GPS1: variants seen among roughly 807,000 people sequenced by gnomAD.
GPS1 encodes G protein pathway suppressor 1.
A neutral mutation model predicts 60.0 loss-of-function variants in GPS1; 11 were observed. The ratio of observed to expected loss-of-function variants is 0.18; its 90% confidence interval spans 0.12 to 0.30. The LOEUF (loss-of-function observed/expected upper bound fraction) is 0.30. GPS1 is among the 10% of genes least tolerant of loss of function. The pLI is 1.00. For synonymous variants in GPS1, 343 were observed against 269.8 expected (o/e 1.27, Z -2.66); for missense variants, 543 against 669.2 (o/e 0.81, Z 2.08).
upstream of GPS1, chr17:82,051,525 G>A (rs2030582632): frequency 2.9e-6 from 4 of 1,399,166 alleles, no homozygotes; most frequent in South Asian, 1.5e-5. This position sits in a 1 kb window ranked among gnomAD's most constrained non-coding sequence, Gnocchi z 4.1. Flanking sequence ...GGAGATCCAG[G>A]TGCGCAGCAG....
intron 6 of GPS1, 105 bp downstream of exon 6, chr17:82,055,327 C>T: frequency 8.5e-7 from 1 of 1,172,674 alleles, no homozygotes; most frequent in Non-Finnish European, 1.2e-6. Flanking sequence ...GAAAACTTCC[C>T]TGGCAGGGCG....
chr17:82,056,236 G>A (rs1188485488), intron 8 of GPS1, 50 bp from the exon 9 acceptor site: 2 of 1,423,138 alleles, frequency 1.4e-6, no homozygotes, highest in Non-Finnish European at 9.9e-7. Flanking sequence ...CTGGCCACTT[G>A]GAGGGAGGGG....
chr17:82,053,708 T>C (rs2031724677), intron 2 of GPS1, 160 bp from the exon 3 acceptor site: 3 of 716,548 alleles, frequency 4.2e-6, no homozygotes, highest in Non-Finnish European at 6.7e-6. Flanking sequence ...TCGTAGCTCC[T>C]GGGACAGCAG....
chr17:82,053,370 C>A lies in GPS1; in HGVS notation c.126+4C>A. 6.8e-7 allele frequency: 1 copy of A among 1,479,498 alleles called. No homozygotes were observed. 91.6% of individuals were successfully genotyped at this position (1,479,498 alleles called of 1,614,324 possible). A position where few individuals can be genotyped will look rare whatever the true frequency, so the allele number is the denominator to read the frequency against. On this transcript the variant is annotated splice_donor_region_variant and intron_variant, in intron 2 of 12. Transcript: ENST00000578552. ...CGTGGTGGAGAACCCCAGCCTGGTACGGAGCCCAGTGGGGGGACCTTGGGT... is the reference window on the plus strand; with the variant it reads ...CGTGGTGGAGAACCCCAGCCTGGTAAGGAGCCCAGTGGGGGGACCTTGGGT...
upstream of GPS1, chr17:82,051,827 GC>G: frequency 8.8e-7 from 1 of 1,135,604 alleles, no homozygotes; most frequent in Non-Finnish European, 1.1e-6. This position sits in a 1 kb window ranked among gnomAD's most constrained non-coding sequence, Gnocchi z 4.1. Flanking sequence ...TGGGTGGGCG[GC>G]GGCCCCTTTA....
intron 3 of GPS1, 75 bp from the exon 4 acceptor site, chr17:82,054,435 T>G: frequency 9.8e-6 from 14 of 1,433,956 alleles, no homozygotes; most frequent in Non-Finnish European, 1.3e-5. Context: ...GAGGGCAGCC[T>G]GAGATTGGCG....
At position 82,056,380 on chromosome 17, in the gene GPS1, G is replaced by A. The variant is rs369566866; in HGVS notation, c.1024G>A (p.Asp342Asn). ...SKYASCLKMLDEMKDNLLLDM... is the reference protein window; with the variant it reads ...SKYASCLKMLNEMKDNLLLDM... ...GTACGCCTCATGTCTCAAGATGCTG[G>A]ACGAGATGAAGGTGGGCCCCGCCTG... The change falls in exon 9 of 13, where the codon GAC (aspartate) becomes AAC (asparagine). Residue 342 changes from aspartate to asparagine, a missense_variant. Transcript: ENST00000578552. The A allele has an allele frequency of 6.2e-7, 1 of 1,612,542 alleles. No homozygotes were observed. Among genetic ancestry groups the A allele is most frequent in the Admixed American group, 1.7e-5 (1 of 59,880 alleles).
Position 82,054,794 on chromosome 17 carries a change from G to C in GPS1, c.593G>C (p.Cys198Ser), listed in dbSNP as rs2032109424. The C allele has an allele frequency of 6.2e-7, 1 of 1,601,536 alleles. No homozygotes were observed. Among genetic ancestry groups the C allele is most frequent in the African/African-American group, 1.3e-5 (1 of 74,846 alleles). Residue 198 changes from cysteine (C) to serine (S), a missense_variant, in exon 4 of 13, where the codon TGC becomes TCC. By Grantham distance (112) the Cys-to-Ser change is moderately radical. Coordinates refer to ENST00000578552, the MANE Select transcript of GPS1 (RefSeq NM_001321092.3). ...CTSAKHVINM[C>S]LNVIKVSVYL... ...AGCGCCAAACACGTCATCAACATGT[G>C]CCTCAATGTCATCAAGGTCGGCCTG...
chr17:82,055,363 G>T, intron 6 of GPS1, 141 bp downstream of exon 6: 1 of 825,844 alleles, frequency 1.2e-6, no homozygotes. Context: ...ACATGTACAG[G>T]TGTAGGTGGT....
intron 8 of GPS1, 50 bp from the exon 9 acceptor site, chr17:82,056,235 TG>T (rs2144629975): frequency 1.4e-6 from 2 of 1,422,914 alleles, no homozygotes; most frequent in Non-Finnish European, 9.9e-7. Context: ...ACTGGCCACT[TG>T]GAGGGAGGGG....
chr17:82,053,495 C>T (rs2031608161), intron 2 of GPS1, 129 bp downstream of exon 2: 4 of 664,968 alleles, frequency 6.0e-6, no homozygotes, highest in African/African-American at 1.9e-5. Flanking sequence ...TTTTTCTGAC[C>T]CCGAAACCAT....
chr17:82,052,348 G>T (rs766372671), intron 1 of GPS1: 2 of 1,612,844 alleles, frequency 1.2e-6, no homozygotes, highest in Non-Finnish European at 1.7e-6. Context: ...CCTCGTCAGT[G>T]ACAGATCTGT....
At position 82,057,190 on chromosome 17, in the gene GPS1, C is replaced by A; in HGVS notation, c.*63C>A. 1.3e-6 allele frequency: 2 copies of A among 1,578,080 alleles called. No homozygotes were observed. The highest frequency in any genetic ancestry group is 1.7e-6 in the Non-Finnish European group (2 of 1,156,552). On this transcript the variant is annotated 3_prime_UTR_variant, in exon 13 of 13. Transcript: ENST00000578552. ...CCCCACCTCCACGGACCTCGGACCTCCAGGCGGCTCAGTGCTGCCTGCGGC... is the reference window on the plus strand; with the variant it reads ...CCCCACCTCCACGGACCTCGGACCTACAGGCGGCTCAGTGCTGCCTGCGGC...
chr17:82,055,368 G>C (rs540127272), intron 6 of GPS1, 146 bp downstream of exon 6: 44 of 820,288 alleles, frequency 5.4e-5, no homozygotes, highest in Non-Finnish European at 8.0e-5. Context: ...TACAGGTGTA[G>C]GTGGTGCCTA....
At position 82,054,831 on chromosome 17, in the gene GPS1, G is replaced by A. The variant is rs201830902; in HGVS notation, c.609+21G>A. ...TCAAGGTCGGCCTGCCTCGGCGGGC[G>A]GGGGTGGGCAGCATGGCTGGGCCAT... is the stretch of plus-strand genomic sequence containing the variant. On this transcript the variant is annotated intron_variant, in intron 4 of 12. Transcript: ENST00000578552. 2.5e-5 allele frequency: 40 copies of A among 1,578,806 alleles called. No individual in the cohort carries two copies. The Admixed American group carries it at 2.7e-4, about 11-fold the overall frequency.
At position 82,056,301 on chromosome 17, in the gene GPS1, C is replaced by A. The variant is rs1346073072; in HGVS notation, c.945C>A (p.Phe315Leu). ...GCCTCACCAGCTCCTTCAAGTTGTTCTTGGAGCTGGAGCCACAGGTCCGAG... is the reference window on the plus strand; with the variant it reads ...GCCTCACCAGCTCCTTCAAGTTGTTATTGGAGCTGGAGCCACAGGTCCGAG... ...NVISSSSFKL[F>L]LELEPQVRDI... The change falls in exon 9 of 13, where the codon TTC becomes TTA. Residue 315 changes from phenylalanine (F) to leucine (L), a missense_variant. Phe to Leu is a conservative substitution (Grantham distance 22, BLOSUM62 0). This residue lies in a region of GPS1 where 291 missense variants were observed against 353.7 expected (regional missense o/e 0.82). Coordinates refer to ENST00000578552, the MANE Select transcript of GPS1 (RefSeq NM_001321092.3). The A allele has an allele frequency of 1.2e-5, 19 of 1,610,548 alleles. No individual in the cohort carries two copies. Among genetic ancestry groups the A allele is most frequent in the Non-Finnish European group, 1.4e-5 (17 of 1,177,576 alleles).
chr17:82,054,014 C>T lies in GPS1; in HGVS notation c.273C>T (p.Tyr91=), dbSNP rs148147539. ...FVQRTFNVDM[Y]EEIHRKLSEA... Reference sequence around the variant, plus strand: ...AGAGAACCTTTAACGTGGACATGTACGAGGAGATCCACCGCAAGCTCTCAG... The same window carrying T: ...AGAGAACCTTTAACGTGGACATGTATGAGGAGATCCACCGCAAGCTCTCAG... Residue 91 remains tyrosine, a synonymous_variant, in exon 3 of 13, where the codon TAC becomes TAT. Transcript: ENST00000578552. 593 of 1,612,160 alleles carry T rather than the reference C, an allele frequency of 3.7e-4. 2 individuals carry two copies. The highest frequency in any genetic ancestry group is 4.4e-4 in the South Asian group (40 of 90,950).
At chr17:82,055,389 C>G in intron 6 of GPS1, 167 bp downstream of exon 6, 1 of 730,150 alleles carries the variant, frequency 1.4e-6, no homozygotes, top group Non-Finnish European at 2.4e-6. Flanking sequence ...AAGTCTGCCC[C>G]GGGGAAGCCA....
chr17:82,052,323 C>T (rs778185702), intron 1 of GPS1: 21 of 1,613,000 alleles, frequency 1.3e-5, no homozygotes, highest in South Asian at 4.4e-5. Context: ...GATAGCTCGG[C>T]CCCCAGCTCG....
Sources: allele counts gnomAD v4.1 joint callset, GRCh38; gene constraint gnomAD v4.1.1; regional missense constraint gnomAD v4.1.1; non-coding constraint Gnocchi (gnomAD v3.1); transcripts MANE v1.5; gene names NCBI Gene and HGNC (gene_info 2026-07-23, HGNC 2026-07-21).